LDB2: variants seen among roughly 807,000 people sequenced by gnomAD.
The protein encoded by LDB2 is LIM domain binding 2.
LDB2 carries 12 observed loss-of-function variants against 44.3 expected under a neutral mutation model. The observed-to-expected ratio is 0.27, with a 90% confidence interval of 0.17 to 0.44. The LOEUF is 0.44. LDB2 is among the 20% of genes least tolerant of loss of function. The pLI, the probability that LDB2 is intolerant of heterozygous loss-of-function variation, is 1.00. For synonymous variants in LDB2, 164 were observed against 174.8 expected, an observed-to-expected ratio of 0.94 and a Z score of 0.49; for missense variants, 344 against 473.5, an observed-to-expected ratio of 0.73 and a Z score of 2.54.
chr4:16,604,517 A>AAATATATAT (rs1723414799), intron 2 of LDB2, among the ~76,000 whole-genome samples: 1 of 149,132 alleles, frequency 6.7e-6, no homozygotes, highest in Non-Finnish European at 1.5e-5. Flanking sequence ...TAACATGAGA[A>AAATATATAT]AATATATATA....
intron 2 of LDB2, among the ~76,000 whole-genome samples, chr4:16,657,290 C>T (rs1459564510): frequency 2.0e-5 from 3 of 152,084 alleles, no homozygotes; most frequent in Non-Finnish European, 4.4e-5. Context: ...TGCCATGATG[C>T]CAATCAATAC....
chr4:16,650,716 C>A lies in LDB2; in HGVS notation c.236-54841G>T, dbSNP rs543328961. On this transcript the variant is annotated intron_variant, in intron 2 of 7. Coordinates refer to ENST00000304523, the MANE Select transcript of LDB2 (RefSeq NM_001290.5). ...GCAAGTGAACACATTGAGAGACACC[C>A]CCAAGACTACCAGAGCCATCTCAAA... 3.9e-5 allele frequency among the ~76,000 whole-genome samples: 6 copies of A among 152,308 alleles called. No individual in the cohort carries two copies. The East Asian group carries it at 1.2e-3, about 29-fold the overall frequency.
chr4:16,789,085 G>T (rs1775136138), intron 1 of LDB2, among the ~76,000 whole-genome samples: 1 of 152,150 alleles, frequency 6.6e-6, no homozygotes, highest in Non-Finnish European at 1.5e-5. Flanking sequence ...AGCACACACT[G>T]GTTGGGGGAG....
intron 5 of LDB2, among the ~76,000 whole-genome samples, chr4:16,562,134 A>AT (rs1383343127): frequency 2.0e-5 from 3 of 152,216 alleles, no homozygotes; most frequent in African/African-American, 4.8e-5. Context: ...AAACCTAGGC[A>AT]TTACCATTCA....
At chr4:16,657,867 T>C (rs1055364319) in intron 2 of LDB2, among the ~76,000 whole-genome samples, 10 of 152,202 alleles carry the variant, frequency 6.6e-5, no homozygotes, top group Non-Finnish European at 1.5e-4. Flanking sequence ...CTTTACTTAG[T>C]CCCCACTATT....
intron 2 of LDB2, among the ~76,000 whole-genome samples, chr4:16,757,445 C>T (rs183104047): frequency 3.9e-5 from 6 of 152,212 alleles, no homozygotes; most frequent in Admixed American, 2.0e-4. Context: ...AGGCGATGAT[C>T]GTGATTCACT....
chr4:16,703,051 A>G (rs1485552426), intron 2 of LDB2, among the ~76,000 whole-genome samples: 1 of 152,158 alleles, frequency 6.6e-6, no homozygotes, highest in Non-Finnish European at 1.5e-5. Context: ...ACCAACCCTC[A>G]TTTATCCAGC....
chr4:16,512,203 A>C, intron 5 of LDB2, 99 bp from the exon 6 acceptor site: 1 of 1,144,330 alleles, frequency 8.7e-7, no homozygotes, highest in Non-Finnish European at 1.2e-6. Context: ...CTTTGAGAAT[A>C]CTTTTATTTT....
intron 5 of LDB2, among the ~76,000 whole-genome samples, chr4:16,581,973 AGGAAGGAAGGGAAGGAAGGGAAGGAAG>A (rs748946951): frequency 1.4e-5 from 2 of 141,220 alleles, no homozygotes; most frequent in African/African-American, 5.4e-5. Flanking sequence ...GAAAGAAGGA[AGGAAGGAAGGGAAGGAAGGGAAGGAAG>A]GGAAGGAAGG....
In LDB2 at chr4:16,605,706, C is replaced by T. The variant is rs149275420; in HGVS notation, c.236-9831G>A. Among the ~76,000 whole-genome samples, 1,019 of 152,292 alleles carry T rather than the reference C, an allele frequency of 6.7e-3. 2 individuals are homozygous for T. Among genetic ancestry groups the T allele is most frequent in the Non-Finnish European group, 0.011 (755 of 68,032 alleles). On this transcript the variant is annotated intron_variant, in intron 2 of 7. Coordinates refer to ENST00000304523, the MANE Select transcript of LDB2 (RefSeq NM_001290.5). ...AGGGAAATCCCACTTCCAGACAGGC[C>T]AGTAAAATCATTCTGTGTGTAGCTG...
At chr4:16,746,583 T>A (rs1023153841) in intron 2 of LDB2, among the ~76,000 whole-genome samples, 1 of 152,170 alleles carries the variant, frequency 6.6e-6, no homozygotes, top group African/African-American at 2.4e-5. Context: ...TGTCAGGAGT[T>A]TGAGATCAGC....
At chr4:16,764,710 A>G (rs1768808842) in intron 1 of LDB2, among the ~76,000 whole-genome samples, 1 of 152,140 alleles carries the variant, frequency 6.6e-6, no homozygotes, top group African/African-American at 2.4e-5. Flanking sequence ...TAGCAGTTCC[A>G]CCTGCTGACC....
intron 2 of LDB2, among the ~76,000 whole-genome samples, chr4:16,644,675 C>T (rs1266672973): frequency 6.6e-6 from 1 of 152,204 alleles, no homozygotes; most frequent in Non-Finnish European, 1.5e-5. Flanking sequence ...AGTCATCCAC[C>T]TGCCTTGGCC....
At chr4:16,816,139 C>T (rs79268113) in intron 1 of LDB2, among the ~76,000 whole-genome samples, 116 of 152,104 alleles carry the variant, frequency 7.6e-4, no homozygotes, top group African/African-American at 2.6e-3. Context: ...ACCCTGGAAG[C>T]GGAGGTTGCA....
intron 2 of LDB2, among the ~76,000 whole-genome samples, chr4:16,613,821 A>T (rs1371169196): frequency 6.6e-6 from 1 of 152,234 alleles, no homozygotes; most frequent in African/African-American, 2.4e-5. Flanking sequence ...AAGAATCGAT[A>T]TTGAGAAAAT....
At chr4:16,706,413 A>C (rs1327986637) in intron 2 of LDB2, among the ~76,000 whole-genome samples, 1 of 152,206 alleles carries the variant, frequency 6.6e-6, no homozygotes, top group Non-Finnish European at 1.5e-5. Flanking sequence ...GCAAGCCAGG[A>C]AGAGAGCCCT....
intron 2 of LDB2, among the ~76,000 whole-genome samples, chr4:16,713,688 G>A (rs1756424912): frequency 6.6e-6 from 1 of 152,118 alleles, no homozygotes; most frequent in South Asian, 2.1e-4. Context: ...TTTTCTGAAG[G>A]GCACACAGTA....
At chr4:16,585,249 G>T (rs772533067) in intron 5 of LDB2, among the ~76,000 whole-genome samples, 5 of 152,164 alleles carry the variant, frequency 3.3e-5, no homozygotes, top group Non-Finnish European at 1.5e-5. Flanking sequence ...ACACTCCTGG[G>T]CTGACTTTGG....
At chr4:16,859,105 A>C (rs1331120032) in intron 1 of LDB2, among the ~76,000 whole-genome samples, 1 of 152,216 alleles carries the variant, frequency 6.6e-6, no homozygotes, top group Non-Finnish European at 1.5e-5. Flanking sequence ...CACAACAGTT[A>C]ATATTCCCAT....
Sources: gnomAD v4.1 joint callset for allele counts (sites outside exome capture counted in the v4.1 genomes callset) on GRCh38, gnomAD v4.1.1 for gene constraint, MANE v1.5 for transcripts, NCBI Gene and HGNC (gene_info 2026-07-23, HGNC 2026-07-21) for gene names.